The following DYNC1LI1 variants were observed in gnomAD, a reference collection of about 807,000 sequenced individuals.
DYNC1LI1 encodes the protein cytoplasmic dynein 1 light intermediate chain 1.
A neutral mutation model predicts 63.8 loss-of-function variants in DYNC1LI1; 19 were observed. The observed-to-expected ratio is 0.30, with a 90% CI of 0.21 to 0.44. The LOEUF is 0.44. DYNC1LI1 is among the 20% of genes least tolerant of loss of function. The pLI is 1.00. For synonymous variants in DYNC1LI1, 225 were observed against 232.3 expected (o/e 0.97, Z 0.28); for missense variants, 565 against 630.2 (o/e 0.90, Z 1.11).
At chr3:32,528,176 T>A (rs1443852773) in intron 12 of DYNC1LI1, among the ~76,000 whole-genome samples, 1 of 142,210 alleles carries the variant, frequency 7.0e-6, no homozygotes, top group African/African-American at 2.6e-5. Flanking sequence ...TTACAACATG[T>A]ATGACCTTCA....
intron 5 of DYNC1LI1, among the ~76,000 whole-genome samples, chr3:32,537,986 T>TATATATAATTTATATATATA (rs543353264): frequency 1.8e-5 from 1 of 56,162 alleles, no homozygotes; most frequent in African/African-American, 8.5e-5. Context: ...ATATATAATA[T>TATATATAATTTATATATATA]ATATATATAA....
At chr3:32,554,244 T>C (rs1257881372) in intron 2 of DYNC1LI1, among the ~76,000 whole-genome samples, 1 of 152,252 alleles carries the variant, frequency 6.6e-6, no homozygotes, top group Admixed American at 6.5e-5. Context: ...TAATTTTTTC[T>C]CTGCTAGAAT....
chr3:32,558,253 T>C (rs1698141915), intron 2 of DYNC1LI1, among the ~76,000 whole-genome samples: 1 of 151,886 alleles, frequency 6.6e-6, no homozygotes, highest in Admixed American at 6.6e-5. Flanking sequence ...AACAATTTCA[T>C]AAAAGCAATA....
chr3:32,532,962 G>C (rs950438979), intron 8 of DYNC1LI1, 24 bp downstream of exon 8: 2 of 1,553,294 alleles, frequency 1.3e-6, no homozygotes, highest in Non-Finnish European at 1.7e-6. Flanking sequence ...TCTAAATATT[G>C]AGATTATTTA....
chr3:32,570,796 G>A lies in DYNC1LI1; in HGVS notation c.-26C>T, dbSNP rs750243277. The A allele has an allele frequency of 7.5e-6, 12 of 1,595,256 alleles. No individual in the cohort carries two copies. The highest frequency in any genetic ancestry group is 5.1e-5 in the Admixed American group (3 of 58,608). On this transcript the variant is annotated 5_prime_UTR_variant, in exon 1 of 13. Coordinates refer to ENST00000273130, the MANE Select transcript of DYNC1LI1 (RefSeq NM_016141.4). ...CTTGGTCGGGAATCACACCACTCCC[G>A]GCAAGACTAAATGTGCGAGGCGGCT...
rs72860541 is a variant in DYNC1LI1 at position 32,570,682 on chromosome 3, A to G, written c.89T>C (p.Ile30Thr). 6.2e-7 allele frequency: 1 copy of G among 1,606,632 alleles called. No homozygotes were observed. Among genetic ancestry groups the G allele is most frequent in the Non-Finnish European group, 8.5e-7 (1 of 1,176,804 alleles). The change falls in exon 1 of 13, where the codon ATA becomes ACA. Residue 30 changes from isoleucine to threonine, a missense_variant. Physicochemically the swap from Ile to Thr is moderately conservative, Grantham distance 89 (BLOSUM62 -1). Coordinates refer to ENST00000273130, the MANE Select transcript of DYNC1LI1 (RefSeq NM_016141.4). ...TYTGGPLGNE[I>T]ASGNGGAAAG... ...CGCGGCGCCACCGTTGCCCGACGCT[A>G]TCTCGTTGCCCAAGGGGCCGCCAGT...
At chr3:32,569,619 G>C (rs1698312953) in intron 2 of DYNC1LI1, among the ~76,000 whole-genome samples, 1 of 152,126 alleles carries the variant, frequency 6.6e-6, no homozygotes, top group African/African-American at 2.4e-5. Flanking sequence ...AGAAAAATGC[G>C]AATCTGCGAA....
chr3:32,531,748 T>C (rs972024629), intron 8 of DYNC1LI1: 1 of 152,156 alleles, frequency 6.6e-6, no homozygotes, highest in East Asian at 1.9e-4. Flanking sequence ...TTCTGAAGAC[T>C]CTTATATGCT....
At chr3:32,543,069 C>G (rs1226620837) in intron 4 of DYNC1LI1, among the ~76,000 whole-genome samples, 14 of 152,248 alleles carry the variant, frequency 9.2e-5, no homozygotes, top group East Asian at 1.9e-4. Flanking sequence ...ATTCAGTGGT[C>G]CAGGATGGGG....
intron 4 of DYNC1LI1, among the ~76,000 whole-genome samples, chr3:32,541,912 A>G (rs1697887531): frequency 6.6e-6 from 1 of 152,252 alleles, no homozygotes; most frequent in Non-Finnish European, 1.5e-5. Context: ...CATGTATAAA[A>G]GCAAAACAAA....
At chr3:32,544,524 C>T (rs1209502680) in intron 4 of DYNC1LI1, among the ~76,000 whole-genome samples, 1 of 152,126 alleles carries the variant, frequency 6.6e-6, no homozygotes, top group African/African-American at 2.4e-5. Context: ...AATCCCAGCA[C>T]TCTGGGAGGC....
At chr3:32,570,264 A>G (rs1698327070) in intron 2 of DYNC1LI1, 82 bp downstream of exon 2, 1 of 1,138,764 alleles carries the variant, frequency 8.8e-7, no homozygotes, top group Non-Finnish European at 1.3e-6. Flanking sequence ...CCGCACAAAG[A>G]GAGCCAGCGA....
At position 32,530,292 on chromosome 3, in the gene DYNC1LI1, T is replaced by TTC; in HGVS notation, c.1175_1176dup (p.Arg393GlufsTer43). On this transcript the variant is annotated frameshift_variant, in exon 10 of 13. Transcript: ENST00000273130. LOFTEE classifies it high-confidence loss of function. ...AAATTTGTAATACTGACCACAGGCC[T>TTC]TCCAGCTGCAGTTGGTGGTTGCTTT... 6.2e-7 allele frequency: 1 copy of TTC among 1,608,912 alleles called. No homozygotes were observed. The highest frequency in any genetic ancestry group is 8.5e-7 in the Non-Finnish European group (1 of 1,178,810).
At position 32,538,010 on chromosome 3, in the gene DYNC1LI1, TA is replaced by T. The variant is rs1559436436; in HGVS notation, c.739-907del. 9.1e-4 allele frequency among the ~76,000 whole-genome samples: 19 copies of T among 20,970 alleles called. 5 individuals carry two copies. The highest frequency in any genetic ancestry group is 2.8e-3 in the Admixed American group (3 of 1,076). The allele number at this position is 20,970 out of a possible 152,430, so 13.8% of individuals were successfully genotyped here. A position where few individuals can be genotyped will look rare whatever the true frequency, so the allele number is the denominator to read the frequency against. On this transcript the variant is annotated intron_variant, in intron 5 of 12. Transcript: ENST00000273130. ...ATATATATATAATTTATATATATAA[TA>T]TATATATATAATTTATATATATAAT...
chr3:32,548,774 G>T (rs138244550), intron 2 of DYNC1LI1, among the ~76,000 whole-genome samples: 2 of 152,018 alleles, frequency 1.3e-5, no homozygotes, highest in African/African-American at 4.8e-5. Flanking sequence ...AACTATGTGA[G>T]GTAATACATA....
chr3:32,567,797 G>A (rs371136006), intron 2 of DYNC1LI1, among the ~76,000 whole-genome samples: 4 of 147,754 alleles, frequency 2.7e-5, no homozygotes, highest in East Asian at 2.1e-4. Context: ...TCCGCCTCCC[G>A]GGCTCAAGCA....
At chr3:32,528,108 A>T (rs9830135) in intron 12 of DYNC1LI1, among the ~76,000 whole-genome samples, 1 of 102,946 alleles carries the variant, frequency 9.7e-6, no homozygotes, top group African/African-American at 3.7e-5. Flanking sequence ...ACAAGACTCC[A>T]TCTCAAAAAA....
In DYNC1LI1 at chr3:32,526,889, A is replaced by T. The variant is rs1697625956; in HGVS notation, c.1482T>A (p.Asp494Glu). Residue 494 changes from aspartate to glutamate, a missense_variant, in exon 13 of 13, where the codon GAT becomes GAA. Asp to Glu is a conservative substitution (Grantham distance 45). Coordinates refer to ENST00000273130, the MANE Select transcript of DYNC1LI1 (RefSeq NM_016141.4). ...TAATTCTGTCTAGTTCTGCATGAAC[A>T]TCTAAGACAGGCTTCTGGCCTACAT... ...TKKSGQKPVL[D>E]VHAELDRITR... 1.2e-5 allele frequency: 19 copies of T among 1,613,854 alleles called. No individual in the cohort carries two copies. The highest frequency in any genetic ancestry group is 1.6e-5 in the Non-Finnish European group (19 of 1,179,740).
intron 10 of DYNC1LI1, among the ~76,000 whole-genome samples, chr3:32,529,901 G>A (rs1338435756): frequency 6.6e-6 from 1 of 152,126 alleles, no homozygotes; most frequent in Admixed American, 6.6e-5. Context: ...CATATTGAGT[G>A]ATGATGTATG....
Sources: allele counts gnomAD v4.1 joint callset (sites outside exome capture counted in the v4.1 genomes callset), GRCh38; gene constraint gnomAD v4.1.1; transcripts MANE v1.5; gene names NCBI Gene and HGNC (gene_info 2026-07-23, HGNC 2026-07-21).